PCDH15: variants seen among roughly 807,000 people sequenced by gnomAD.
PCDH15 encodes protocadherin-15.
PCDH15 carries 129 observed loss-of-function variants against 178.5 expected under a neutral mutation model. That is an observed-to-expected ratio of 0.72 (90% confidence interval 0.63 to 0.84). The LOEUF (loss-of-function observed/expected upper bound fraction) is 0.84, where lower values mean the gene tolerates loss of function less well. Among genes scored for constraint, PCDH15 ranks in the 40% least tolerant of loss-of-function variants. The pLI, the probability that PCDH15 is intolerant of heterozygous loss-of-function variation, is 0.00. For missense variants in PCDH15, 2,230 were observed against 2,099.9 expected, an observed-to-expected ratio of 1.06 and a Z score of -1.21; for synonymous variants, 800 against 732.0, an observed-to-expected ratio of 1.09 and a Z score of -1.50.
intron 2 of PCDH15, among the ~76,000 whole-genome samples, chr10:55,503,332 A>C (rs1840695339): frequency 6.7e-6 from 1 of 149,198 alleles, no homozygotes; most frequent in South Asian, 2.1e-4. Flanking sequence ...TTTAAAATTA[A>C]GTTTTATTAA....
At chr10:54,539,156 T>C (rs1444194375) in intron 2 of PCDH15, among the ~76,000 whole-genome samples, 1 of 152,162 alleles carries the variant, frequency 6.6e-6, no homozygotes, top group African/African-American at 2.4e-5. Flanking sequence ...AGACGTACTA[T>C]CTAAAAGCCC....
chr10:54,234,175 T>TGTGC (rs1195367206), intron 9 of PCDH15, among the ~76,000 whole-genome samples: 2 of 149,408 alleles, frequency 1.3e-5, no homozygotes, highest in African/African-American at 2.5e-5. Context: ...TGTGTGTGTG[T>TGTGC]GCTGTGTCTG....
intron 2 of PCDH15, among the ~76,000 whole-genome samples, chr10:55,463,218 T>C (rs1839718081): frequency 6.6e-6 from 1 of 152,014 alleles, no homozygotes; most frequent in Non-Finnish European, 1.5e-5. Context: ...TAGAACAATA[T>C]GAATAAAGCA....
At chr10:54,548,828 G>T (rs1228139740) in intron 2 of PCDH15, among the ~76,000 whole-genome samples, 2 of 150,996 alleles carry the variant, frequency 1.3e-5, no homozygotes, top group Non-Finnish European at 3.0e-5. Context: ...GATGTTTCTT[G>T]GATTTCTTCC....
chr10:54,348,324 G>A (rs1943640412), intron 5 of PCDH15, among the ~76,000 whole-genome samples: 2 of 152,178 alleles, frequency 1.3e-5, no homozygotes, highest in Admixed American at 1.3e-4. Flanking sequence ...CTAGCAGGCA[G>A]CATTGAAGGC....
chr10:54,807,498 C>G (rs1461175252), intron 3 of PCDH15, among the ~76,000 whole-genome samples: 1 of 151,652 alleles, frequency 6.6e-6, no homozygotes, highest in Non-Finnish European at 1.5e-5. Flanking sequence ...ATACATTGTA[C>G]TTTTTGTATA....
intron 2 of PCDH15, among the ~76,000 whole-genome samples, chr10:55,160,341 G>A (rs532543578): frequency 3.5e-4 from 53 of 151,842 alleles, no homozygotes; most frequent in Non-Finnish European, 6.5e-4. Context: ...ACTAGCAACT[G>A]CCATCCTCTG....
At chr10:54,538,729 T>C (rs556860443) in intron 2 of PCDH15, among the ~76,000 whole-genome samples, 1 of 152,270 alleles carries the variant, frequency 6.6e-6, no homozygotes, top group East Asian at 1.9e-4. Context: ...TTTTGAAGTA[T>C]GTAGTACCTT....
At chr10:55,426,934 T>C (rs1444634114) in intron 2 of PCDH15, among the ~76,000 whole-genome samples, 2 of 152,152 alleles carry the variant, frequency 1.3e-5, no homozygotes, top group Non-Finnish European at 2.9e-5. Flanking sequence ...CCTGCTTCTC[T>C]TCTCTATGAT....
Position 54,044,330 on chromosome 10 carries a change from A to G in PCDH15, c.2221-21133T>C, listed in dbSNP as rs559146137. Among the ~76,000 whole-genome samples, 4 of 152,274 alleles carry G rather than the reference A, an allele frequency of 2.6e-5. No homozygotes were observed. The East Asian group carries it at 7.7e-4, about 29-fold the overall frequency. ...CAGGGATTTGAAGTTAAAGGTATAT[A>G]GAAGTGGGCATTTTAGCATGGATTT... is the stretch of plus-strand genomic sequence containing the variant. On this transcript the variant is annotated intron_variant, in intron 18 of 37. Coordinates refer to ENST00000644397, the MANE Select transcript of PCDH15 (RefSeq NM_001384140.1).
At chr10:54,887,859 C>T (rs1228229044) in intron 3 of PCDH15, among the ~76,000 whole-genome samples, 2 of 151,998 alleles carry the variant, frequency 1.3e-5, no homozygotes, top group East Asian at 1.9e-4. Context: ...TTCCATTCAA[C>T]AATGAAAAAC....
At position 54,346,389 on chromosome 10, in the gene PCDH15, AAC is replaced by A. The variant is rs1231615236; in HGVS notation, c.568_569del (p.Val190TyrfsTer4). ...DDGPNGQIEYVIQYNPDDPTS... is the reference protein window; with the variant it reads ...DDGPNGQIEYXIQYNPDDPTS... ...CCGGATCATCTGGATTATACTGAAT[AAC>A]ATACTCTATCTGTCCATTTGGTCCA... On this transcript the variant is annotated frameshift_variant, in exon 6 of 38. Coordinates refer to ENST00000644397, the MANE Select transcript of PCDH15 (RefSeq NM_001384140.1). LOFTEE classifies it high-confidence loss of function. 6.2e-7 allele frequency: 1 copy of A among 1,613,482 alleles called. No individual in the cohort carries two copies. Among genetic ancestry groups the A allele is most frequent in the South Asian group, 1.1e-5 (1 of 91,062 alleles).
intron 15 of PCDH15, among the ~76,000 whole-genome samples, chr10:54,122,758 G>C (rs1237366501): frequency 6.6e-6 from 1 of 151,242 alleles, no homozygotes; most frequent in Non-Finnish European, 1.5e-5. Context: ...CAATAACTAA[G>C]AGCCAAATCA....
intron 2 of PCDH15, among the ~76,000 whole-genome samples, chr10:55,604,801 C>G (rs1410426183): frequency 7.1e-5 from 9 of 127,560 alleles, no homozygotes; most frequent in East Asian, 2.3e-4. Flanking sequence ...CAGGAAAGAT[C>G]CAAAATTGAC....
chr10:53,986,427 A>T (rs1005369823), intron 21 of PCDH15, among the ~76,000 whole-genome samples: 1 of 152,222 alleles, frequency 6.6e-6, no homozygotes, highest in Non-Finnish European at 1.5e-5. Context: ...CCTCAAAAAA[A>T]TTACTAATGT....
chr10:54,931,998 TAAC>T (rs2131854022), intron 2 of PCDH15, among the ~76,000 whole-genome samples: 1 of 152,298 alleles, frequency 6.6e-6, no homozygotes, highest in South Asian at 2.1e-4. Context: ...ATATGCCTCT[TAAC>T]AACGTTTTGG....
intron 1 of PCDH15, among the ~76,000 whole-genome samples, chr10:54,718,158 G>A (rs1323280980): frequency 6.7e-6 from 1 of 149,562 alleles, no homozygotes; most frequent in Admixed American, 6.7e-5. Context: ...TATACCTAAT[G>A]CTAGGTGACG....
chr10:55,139,905 A>G (rs1293022553), intron 2 of PCDH15, among the ~76,000 whole-genome samples: 1 of 151,990 alleles, frequency 6.6e-6, no homozygotes, highest in Non-Finnish European at 1.5e-5. Context: ...TTCAAATCTA[A>G]GACATTGTGT....
At chr10:54,839,588 A>G (rs1289688445) in intron 3 of PCDH15, among the ~76,000 whole-genome samples, 2 of 152,144 alleles carry the variant, frequency 1.3e-5, no homozygotes, top group African/African-American at 4.8e-5. Context: ...GGTAGAAAGC[A>G]TATTTTAAGA....
Sources: gnomAD v4.1 joint callset for allele counts (sites outside exome capture counted in the v4.1 genomes callset) on GRCh38, gnomAD v4.1.1 for gene constraint, MANE v1.5 for transcripts, NCBI Gene and HGNC (gene_info 2026-07-23, HGNC 2026-07-21) for gene names.